Variants in SYT1 observed in about 807,000 individuals in gnomAD.
SYT1 encodes the protein synaptotagmin-1.
SYT1 carries 8 observed loss-of-function variants against 44.8 expected under a neutral mutation model. That is an observed-to-expected ratio of 0.18 (90% CI 0.10 to 0.32). The LOEUF is 0.32. Ranked by LOEUF, SYT1 falls within the 10% of genes least tolerant of loss-of-function variation. SYT1 has a pLI of 1.00. For synonymous variants in SYT1, 154 were observed against 188.8 expected (o/e 0.82, Z 1.51); for missense variants, 286 against 509.3 (o/e 0.56, Z 4.22).
chr12:79,431,509 TTTTA>T (rs765721321), intron 9 of SYT1, among the ~76,000 whole-genome samples: 1,323 of 102,922 alleles, frequency 0.013, 8 homozygotes, highest in East Asian at 0.022. Context: ...TTTTATTTTA[TTTTA>T]TTATTTATTT....
At chr12:79,110,491 G>A (rs1592757026) in intron 3 of SYT1, among the ~76,000 whole-genome samples, 3 of 151,982 alleles carry the variant, frequency 2.0e-5, no homozygotes, top group East Asian at 3.9e-4. Flanking sequence ...AGAAACACAC[G>A]AAAATCTAGA....
intron 9 of SYT1, among the ~76,000 whole-genome samples, chr12:79,377,116 TG>T: frequency 6.6e-6 from 1 of 152,334 alleles, no homozygotes; most frequent in East Asian, 1.9e-4. Flanking sequence ...TTTTTTGTTT[TG>T]TTTTGTTTTT....
intron 2 of SYT1, among the ~76,000 whole-genome samples, chr12:79,026,702 T>TATATATATAAAAAA (rs34140383): frequency 8.5e-4 from 107 of 125,306 alleles, no homozygotes; most frequent in Admixed American, 1.3e-3. Context: ...TATATATATA[T>TATATATATAAAAAA]CACACTTTCA....
chr12:79,086,567 G>A (rs1463802496), intron 3 of SYT1, among the ~76,000 whole-genome samples: 1 of 152,158 alleles, frequency 6.6e-6, no homozygotes, highest in African/African-American at 2.4e-5. Flanking sequence ...TTCGCAGGAT[G>A]TGAAATGTTC....
intron 1 of SYT1, among the ~76,000 whole-genome samples, chr12:78,961,229 G>A (rs1879484176): frequency 6.6e-6 from 1 of 151,882 alleles, no homozygotes; most frequent in Non-Finnish European, 1.5e-5. Context: ...AGCCTCCAGA[G>A]TAGCTGGTAC....
At chr12:79,395,344 GAGT>G (rs1884825714) in intron 9 of SYT1, among the ~76,000 whole-genome samples, 1 of 152,038 alleles carries the variant, frequency 6.6e-6, no homozygotes, top group African/African-American at 2.4e-5. Context: ...TCTGCCTCCT[GAGT>G]AGCTGGGATT....
intron 9 of SYT1, among the ~76,000 whole-genome samples, chr12:79,432,265 A>G (rs1299592970): frequency 6.6e-6 from 1 of 151,524 alleles, no homozygotes; most frequent in Admixed American, 6.6e-5. Context: ...CACAACCTGC[A>G]GGTTTGTTAC....
At chr12:79,167,354 T>C (rs1467504365) in intron 3 of SYT1, among the ~76,000 whole-genome samples, 1 of 152,018 alleles carries the variant, frequency 6.6e-6, no homozygotes, top group Non-Finnish European at 1.5e-5. Context: ...TAATACTTTT[T>C]ATTGAGAATC....
chr12:79,106,989 G>A (rs1878753173), intron 3 of SYT1, among the ~76,000 whole-genome samples: 1 of 151,470 alleles, frequency 6.6e-6, no homozygotes, highest in Admixed American at 6.6e-5. Context: ...CCAGAATTCG[G>A]GTTCATAGAA....
chr12:78,913,221 T>C (rs1876443757), intron 1 of SYT1, among the ~76,000 whole-genome samples: 1 of 151,398 alleles, frequency 6.6e-6, no homozygotes, highest in Admixed American at 6.6e-5. Flanking sequence ...TTCAAAATAA[T>C]TTTTAAGCAT....
At chr12:79,210,007 A>T (rs886252877) in intron 3 of SYT1, among the ~76,000 whole-genome samples, 1 of 152,222 alleles carries the variant, frequency 6.6e-6, no homozygotes, top group Non-Finnish European at 1.5e-5. Context: ...TATAAAATAC[A>T]ATACTTAAAT....
intron 1 of SYT1, among the ~76,000 whole-genome samples, chr12:78,967,923 G>C (rs1398948957): frequency 6.6e-6 from 1 of 152,066 alleles, no homozygotes; most frequent in Non-Finnish European, 1.5e-5. Context: ...TTGAAACAAA[G>C]AGTGAAAAGA....
At chr12:79,253,313 C>G (rs1877327081) in intron 4 of SYT1, among the ~76,000 whole-genome samples, 1 of 152,006 alleles carries the variant, frequency 6.6e-6, no homozygotes, top group Admixed American at 6.6e-5. Flanking sequence ...TTTGGTAATT[C>G]TTGAAATTTT....
At chr12:78,923,802 C>T (rs949879333) in intron 1 of SYT1, among the ~76,000 whole-genome samples, 1 of 151,498 alleles carries the variant, frequency 6.6e-6, no homozygotes, top group African/African-American at 2.4e-5. Context: ...CTTTTAGGTG[C>T]ATATTTTCTA....
At chr12:79,302,317 C>A (rs1880189094) in intron 8 of SYT1, among the ~76,000 whole-genome samples, 1 of 152,048 alleles carries the variant, frequency 6.6e-6, no homozygotes, top group African/African-American at 2.4e-5. Context: ...AGCTGTTCTG[C>A]CGGAGACTTG....
At chr12:78,920,326 G>A (rs1876908358) in intron 1 of SYT1, among the ~76,000 whole-genome samples, 1 of 151,934 alleles carries the variant, frequency 6.6e-6, no homozygotes, top group Admixed American at 6.6e-5. Flanking sequence ...TATAATACCT[G>A]TGACTGGGTT....
intron 10 of SYT1, among the ~76,000 whole-genome samples, chr12:79,448,206 C>A (rs2136210428): frequency 6.6e-6 from 1 of 152,180 alleles, no homozygotes; most frequent in South Asian, 2.1e-4. Context: ...TCCCGTGTAG[C>A]CTAAACTGAT....
intron 10 of SYT1, among the ~76,000 whole-genome samples, chr12:79,446,160 T>C (rs529789095): frequency 1.3e-5 from 2 of 151,314 alleles, no homozygotes; most frequent in Admixed American, 1.3e-4. Context: ...GCTTAGAATT[T>C]CTTTACATGT....
chr12:79,346,394 G>A (rs1882608374), intron 8 of SYT1, among the ~76,000 whole-genome samples: 1 of 152,100 alleles, frequency 6.6e-6, no homozygotes, highest in Admixed American at 6.6e-5. Context: ...TATTCTAAAA[G>A]AGCAGGTAAA....
Sources: allele counts gnomAD v4.1 joint callset (sites outside exome capture counted in the v4.1 genomes callset), GRCh38; gene constraint gnomAD v4.1.1; transcripts MANE v1.5; gene names NCBI Gene and HGNC (gene_info 2026-07-23, HGNC 2026-07-21).